DIDO1: variants seen among roughly 807,000 people sequenced by gnomAD.
The protein encoded by DIDO1 is death-inducer obliterator 1.
A neutral mutation model predicts 99.4 loss-of-function variants in DIDO1; 16 were observed. The ratio of observed to expected loss-of-function variants is 0.16; its 90% CI spans 0.11 to 0.24. DIDO1 has a LOEUF of 0.24. Ranked by LOEUF, DIDO1 falls within the 10% of genes least tolerant of loss-of-function variation. DIDO1 has a pLI of 1.00. For missense variants in DIDO1, 2,996 were observed against 3,014.0 expected (o/e 0.99, Z 0.14); for synonymous variants, 1,366 against 1,239.1 (o/e 1.10, Z -2.15).
At position 62,892,669 on chromosome 20, in the gene DIDO1, A is replaced by G. The variant is rs942615674; in HGVS notation, c.3255+140T>C. Reference sequence around the variant, plus strand: ...TGCATTTAGAGCCGTTTCTGCATCCAGACAGACGGTTGCAAGAGTGTCAGG... The same window carrying G: ...TGCATTTAGAGCCGTTTCTGCATCCGGACAGACGGTTGCAAGAGTGTCAGG... On this transcript the variant is annotated intron_variant, in intron 13 of 15. Coordinates refer to ENST00000395343, the MANE Select transcript of DIDO1 (RefSeq NM_001193369.2). 6.4e-5 allele frequency: 77 copies of G among 1,206,100 alleles called. No individual in the cohort carries two copies. In the Middle Eastern group the frequency reaches 8.0e-4, roughly 13 times the overall value. The allele number at this position is 1,206,100 out of a possible 1,614,324, so 74.7% of individuals were successfully genotyped here.
In DIDO1 at chr20:62,911,956, G is replaced by GT. The variant is rs372597588; in HGVS notation, c.-2-343dup. ...ACAGTATAGCAGGGTAAGGATGTGA[G>GT]TAAGGACGTGAGCAAGGACGCGAGC... On this transcript the variant is annotated intron_variant, in intron 2 of 15. Transcript: ENST00000395343. The surrounding 1 kb of genome is among the most constrained non-coding windows in gnomAD (Gnocchi z 7.0). Among the ~76,000 whole-genome samples, 112 of 152,334 alleles carry GT rather than the reference G, an allele frequency of 7.4e-4. 1 individual carries two copies. The highest frequency in any genetic ancestry group is 2.5e-3 in the African/African-American group (105 of 41,580).
In DIDO1 at chr20:62,911,723, T is replaced by C; in HGVS notation, c.-2-109A>G. ...CACCTCCCTACAAACAGTGGAGCTC[T>C]ACATAAAGCAAGTCCTTCTGACCAG... On this transcript the variant is annotated intron_variant, in intron 2 of 15. Coordinates refer to ENST00000395343, the MANE Select transcript of DIDO1 (RefSeq NM_001193369.2). This position sits in a 1 kb window ranked among gnomAD's most constrained non-coding sequence, Gnocchi z 7.0. 2.1e-6 allele frequency: 2 copies of C among 946,554 alleles called. No individual in the cohort carries two copies. Among genetic ancestry groups the C allele is most frequent in the Non-Finnish European group, 3.1e-6 (2 of 653,870 alleles). The allele number at this position is 946,554 out of a possible 1,614,324, so 58.6% of individuals were successfully genotyped here.
At chr20:62,933,052 A>C (rs866860530) in intron 1 of DIDO1, among the ~76,000 whole-genome samples, 75 of 152,332 alleles carry the variant, frequency 4.9e-4, no homozygotes, top group African/African-American at 1.7e-3. Context: ...ATCTCTACTA[A>C]CAATACAAAA....
At chr20:62,935,669 CAG>C (rs878945052) in intron 1 of DIDO1, among the ~76,000 whole-genome samples, 3 of 152,198 alleles carry the variant, frequency 2.0e-5, no homozygotes, top group Admixed American at 2.0e-4. Context: ...ATGGCTGGAG[CAG>C]AGAGTAAGAT....
chr20:62,930,221 A>AC (rs199497879), upstream of DIDO1, among the ~76,000 whole-genome samples: 156 of 146,192 alleles, frequency 1.1e-3, no homozygotes, highest in South Asian at 4.6e-3. Flanking sequence ...AAACAAACAA[A>AC]AAAAAAAAAA....
intron 15 of DIDO1, among the ~76,000 whole-genome samples, chr20:62,884,915 G>T (rs2064273666): frequency 6.6e-6 from 1 of 152,244 alleles, no homozygotes; most frequent in African/African-American, 2.4e-5. Flanking sequence ...GAAGGGCACA[G>T]CTGAGCTCTG....
In DIDO1 at chr20:62,879,816, G is replaced by A. The variant is rs1385892145; in HGVS notation, c.6140C>T (p.Pro2047Leu). The A allele has an allele frequency of 1.2e-6, 2 of 1,609,696 alleles. No homozygotes were observed. The highest frequency in any genetic ancestry group is 1.7e-6 in the Non-Finnish European group (2 of 1,179,028). Residue 2047 changes from proline to leucine, a missense_variant, in exon 16 of 16, where the codon CCC (proline) becomes CTC (leucine). Pro to Leu is a moderately conservative substitution (Grantham distance 98, BLOSUM62 -3). Coordinates refer to ENST00000395343, the MANE Select transcript of DIDO1 (RefSeq NM_001193369.2). This position sits in a 1 kb window ranked among gnomAD's most constrained non-coding sequence, Gnocchi z 6.3. ...RKDRWEEAGP[P>L]SALSSSAPGQ... The stretch of plus-strand genomic sequence containing the variant: ...GGGCGCACTGGAGGAGAGCGCGGAG[G>A]GCGGCCCGGCCTCCTCCCAGCGGTC...
chr20:62,892,292 G>T (rs2064415065), intron 13 of DIDO1, among the ~76,000 whole-genome samples: 1 of 152,206 alleles, frequency 6.6e-6, no homozygotes, highest in Non-Finnish European at 1.5e-5. Context: ...ACAAGATTAT[G>T]TTTAGAAATG....
chr20:62,906,974 C>A (rs778421565), intron 5 of DIDO1, among the ~76,000 whole-genome samples, 173 bp downstream of exon 5: 1 of 152,198 alleles, frequency 6.6e-6, no homozygotes, highest in African/African-American at 2.4e-5. Flanking sequence ...CCTCAGCTAA[C>A]GGGCAGAGAA....
intron 6 of DIDO1, among the ~76,000 whole-genome samples, chr20:62,902,169 T>A (rs901555243): frequency 6.6e-6 from 1 of 152,212 alleles, no homozygotes; most frequent in Admixed American, 6.5e-5. Flanking sequence ...GATGTGGGAC[T>A]TCACCGTGCA....
intron 4 of DIDO1, among the ~76,000 whole-genome samples, chr20:62,908,571 C>G (rs147757242): frequency 0.01 from 1,568 of 152,368 alleles, 14 homozygotes; most frequent in South Asian, 0.024. Context: ...ACATGTCCCT[C>G]ACACATACTT....
intron 1 of DIDO1, among the ~76,000 whole-genome samples, chr20:62,933,339 G>C (rs2065349856): frequency 6.6e-6 from 1 of 152,242 alleles, no homozygotes; most frequent in Admixed American, 6.5e-5. Flanking sequence ...ATTGAGGTCT[G>C]AGTGTTTCCT....
In DIDO1 at chr20:62,905,907, G is replaced by A. The variant is rs539538609; in HGVS notation, c.1568C>T (p.Ser523Leu). The A allele has an allele frequency of 1.4e-5, 23 of 1,614,044 alleles. No homozygotes were observed. Among genetic ancestry groups the A allele is most frequent in the East Asian group, 2.2e-5 (1 of 44,902 alleles). Residue 523 changes from serine (S) to leucine (L), a missense_variant, in exon 6 of 16, where the codon TCG (serine) becomes TTG (leucine). Physicochemically the swap from Ser to Leu is moderately radical, Grantham distance 145. This residue lies in a region of DIDO1 where 898 missense variants were observed against 972.7 expected (regional missense o/e 0.92). Coordinates refer to ENST00000395343, the MANE Select transcript of DIDO1 (RefSeq NM_001193369.2). ...CATACATTTATACAACAGTGACGGCGAGGGAGCAGCAGTCTTTTCTGGCTT... is the reference window on the plus strand; with the variant it reads ...CATACATTTATACAACAGTGACGGCAAGGGAGCAGCAGTCTTTTCTGGCTT... ...AVKPEKTAAP[S>L]PSLLYKSTKE...
At chr20:62,925,362 T>C (rs1313232229) in intron 1 of DIDO1, among the ~76,000 whole-genome samples, 2 of 152,216 alleles carry the variant, frequency 1.3e-5, no homozygotes, top group Non-Finnish European at 2.9e-5. Flanking sequence ...CAGAACTGTA[T>C]TTCAACCAAG....
chr20:62,892,618 C>T (rs188839745), intron 13 of DIDO1, among the ~76,000 whole-genome samples, 191 bp downstream of exon 13: 3 of 152,320 alleles, frequency 2.0e-5, no homozygotes, highest in Admixed American at 1.3e-4. Context: ...GCTGAACCTG[C>T]GGACTCATCA....
At chr20:62,888,949 T>TA in intron 15 of DIDO1, 1 of 985,486 alleles carries the variant, frequency 1.0e-6, no homozygotes, top group Non-Finnish European at 1.2e-6. Context: ...GCTGTTACTT[T>TA]TCTAAAGTCC....
chr20:62,905,175 G>A (rs985330992), intron 6 of DIDO1: 2 of 1,066,356 alleles, frequency 1.9e-6, no homozygotes, highest in African/African-American at 3.3e-5. Flanking sequence ...ACGAGGGCAA[G>A]AAAGCCAGTC....
chr20:62,929,410 C>G (rs1043396563), upstream of DIDO1: 1 of 152,306 alleles, frequency 6.6e-6, no homozygotes, highest in Non-Finnish European at 1.5e-5. Context: ...CCGGGGGACA[C>G]CCACAGGATT....
At chr20:62,913,775 A>C (rs2064990672) in intron 2 of DIDO1, among the ~76,000 whole-genome samples, 1 of 152,224 alleles carries the variant, frequency 6.6e-6, no homozygotes, top group Non-Finnish European at 1.5e-5. Context: ...AACCCAGCTG[A>C]AAAGGGCTGC....
Sources: allele counts gnomAD v4.1 joint callset (sites outside exome capture counted in the v4.1 genomes callset), GRCh38; gene constraint gnomAD v4.1.1; regional missense constraint gnomAD v4.1.1; non-coding constraint Gnocchi (gnomAD v3.1); transcripts MANE v1.5; gene names NCBI Gene and HGNC (gene_info 2026-07-23, HGNC 2026-07-21).